Variants in MED12L observed in about 807,000 individuals in gnomAD.
MED12L encodes the protein mediator of RNA polymerase II transcription subunit 12-like protein.
Under a neutral mutation model 281.3 loss-of-function variants are expected in MED12L, and 60 were observed. The observed-to-expected ratio is 0.21, with a 90% CI of 0.17 to 0.26. The LOEUF is 0.26. Ranked by LOEUF, MED12L falls within the 10% of genes least tolerant of loss-of-function variation. The pLI, the probability that MED12L is intolerant of heterozygous loss-of-function variation, is 1.00. For missense variants in MED12L, 2,146 were observed against 2,680.9 expected (o/e 0.80, Z 4.41); for synonymous variants, 974 against 987.2 (o/e 0.99, Z 0.25).
intron 16 of MED12L, among the ~76,000 whole-genome samples, chr3:151,226,886 A>T (rs944220370): frequency 1.3e-5 from 2 of 152,232 alleles, no homozygotes; most frequent in Non-Finnish European, 2.9e-5. Flanking sequence ...TGGTGATTAC[A>T]ACAGGTAACG....
chr3:151,192,369 A>G (rs1724102434), intron 14 of MED12L, among the ~76,000 whole-genome samples, 181 bp from the exon 15 acceptor site: 1 of 152,164 alleles, frequency 6.6e-6, no homozygotes, highest in Non-Finnish European at 1.5e-5. Context: ...ATGATGAGGG[A>G]AAAGAATGTG....
chr3:151,109,150 C>T (rs181021815), intron 2 of MED12L, among the ~76,000 whole-genome samples: 580 of 152,022 alleles, frequency 3.8e-3, no homozygotes, highest in African/African-American at 8.5e-3. Flanking sequence ...CTCTGCCTCC[C>T]GGGTTCAAGT....
At chr3:151,346,076 T>G (rs1016895541) in intron 16 of MED12L, among the ~76,000 whole-genome samples, 8 of 152,204 alleles carry the variant, frequency 5.3e-5, no homozygotes, top group African/African-American at 1.9e-4. Context: ...CTCATGACTT[T>G]GTTCCTTGGC....
chr3:151,229,229 G>A (rs1253372481), intron 16 of MED12L, among the ~76,000 whole-genome samples: 1 of 151,250 alleles, frequency 6.6e-6, no homozygotes. Flanking sequence ...TCCCTGTTTT[G>A]TGTATTAATC....
At chr3:151,267,309 T>C (rs1430399557) in intron 16 of MED12L, among the ~76,000 whole-genome samples, 1 of 152,202 alleles carries the variant, frequency 6.6e-6, no homozygotes, top group Non-Finnish European at 1.5e-5. Flanking sequence ...AAGGAAATGG[T>C]AGTCATTGAA....
In MED12L at chr3:151,435,428, A is replaced by C. The variant is rs1720038130; in HGVS notation, c.*2624A>C. On this transcript the variant is annotated 3_prime_UTR_variant, in exon 45 of 45. Coordinates refer to ENST00000687756, the MANE Select transcript of MED12L (RefSeq NM_001393769.1). ...TCCAGCCACAGGGTACTAACATCAGACATAAGTTGCAACCAGGTCACATTT... is the reference window on the plus strand; with the variant it reads ...TCCAGCCACAGGGTACTAACATCAGCCATAAGTTGCAACCAGGTCACATTT... 1 of 152,290 alleles carries C rather than the reference A, an allele frequency of 6.6e-6. No individual in the cohort carries two copies. The highest frequency in any genetic ancestry group is 1.5e-5 in the Non-Finnish European group (1 of 68,020). 9.4% of individuals were successfully genotyped at this position (152,290 alleles called of 1,614,324 possible).
At chr3:151,289,477 G>C (rs182828001) in intron 16 of MED12L, among the ~76,000 whole-genome samples, 5 of 152,278 alleles carry the variant, frequency 3.3e-5, no homozygotes, top group Admixed American at 3.3e-4. Flanking sequence ...AAAATACGTA[G>C]AGGTAATTCA....
Position 151,190,786 on chromosome 3 carries a change from G to T in MED12L, c.1823G>T (p.Arg608Leu). 6.2e-7 allele frequency: 1 copy of T among 1,614,174 alleles called. No homozygotes were observed. Among genetic ancestry groups the T allele is most frequent in the South Asian group, 1.1e-5 (1 of 91,088 alleles). The change falls in exon 14 of 45, where the codon CGC becomes CTC. Residue 608 changes from arginine (R) to leucine (L), a missense_variant. By Grantham distance (102) the Arg-to-Leu change is moderately radical. Coordinates refer to ENST00000687756, the MANE Select transcript of MED12L (RefSeq NM_001393769.1). ...NLVLLFCEFIRHDVFSHDAYM... is the reference protein window; with the variant it reads ...NLVLLFCEFILHDVFSHDAYM... The stretch of plus-strand genomic sequence containing the variant: ...GTGCTGCTCTTCTGCGAGTTCATCC[G>T]CCATGATGTCTTCTCCCATGACGCA...
chr3:151,226,826 A>G (rs780171515), intron 16 of MED12L, among the ~76,000 whole-genome samples: 6 of 152,204 alleles, frequency 3.9e-5, no homozygotes, highest in Non-Finnish European at 5.9e-5. Context: ...TCAGTTTTCT[A>G]TCTCCTGCGT....
At chr3:151,294,937 T>G (rs759274186) in intron 16 of MED12L, 1 of 1,614,130 alleles carries the variant, frequency 6.2e-7, no homozygotes, top group Non-Finnish European at 8.5e-7. Flanking sequence ...AAGGTCCAAA[T>G]CCTGCATCAT....
chr3:151,281,503 C>T (rs904122935), intron 16 of MED12L, among the ~76,000 whole-genome samples: 3 of 152,110 alleles, frequency 2.0e-5, no homozygotes, highest in Non-Finnish European at 4.4e-5. Context: ...AGGCATAATA[C>T]AACATAGCCA....
In MED12L at chr3:151,365,118, A is replaced by G; in HGVS notation, c.3097A>G (p.Lys1033Glu). ...CAGCATCAACTACTCAATGCTGGGC[A>G]AGATCCTCAGTGACAATGCGGCCAA... ...ARSINYSMLG[K>E]ILSDNAANRY... The change falls in exon 22 of 45, where the codon AAG (lysine) becomes GAG (glutamate). Residue 1033 changes from lysine (K) to glutamate (E), a missense_variant. Physicochemically the swap from Lys to Glu is moderately conservative, Grantham distance 56. Coordinates refer to ENST00000687756, the MANE Select transcript of MED12L (RefSeq NM_001393769.1). The G allele has an allele frequency of 6.2e-7, 1 of 1,614,096 alleles. No homozygotes were observed. Among genetic ancestry groups the G allele is most frequent in the Non-Finnish European group, 8.5e-7 (1 of 1,179,968 alleles).
chr3:151,201,245 T>TCTCA (rs1491171776), intron 16 of MED12L, among the ~76,000 whole-genome samples: 13 of 150,524 alleles, frequency 8.6e-5, no homozygotes, highest in African/African-American at 3.0e-4. Flanking sequence ...TCTCTCTCTC[T>TCTCA]CACACGCACA....
chr3:151,205,756 T>G (rs1048440174), intron 16 of MED12L, among the ~76,000 whole-genome samples: 8 of 152,234 alleles, frequency 5.3e-5, no homozygotes, highest in Non-Finnish European at 1.0e-4. Flanking sequence ...CTCTTAGTTA[T>G]GCTTCTTACA....
intron 16 of MED12L, among the ~76,000 whole-genome samples, chr3:151,222,844 G>A (rs566587603): frequency 5.6e-4 from 85 of 152,186 alleles, no homozygotes; most frequent in Non-Finnish European, 8.5e-4. Context: ...GTTGTAGTCG[G>A]GACTTTAGAC....
intron 21 of MED12L, among the ~76,000 whole-genome samples, chr3:151,361,166 G>A (rs1188493026): frequency 6.6e-6 from 1 of 151,822 alleles, no homozygotes; most frequent in East Asian, 1.9e-4. Flanking sequence ...TTATTTCCTG[G>A]TGACTCATAG....
intron 39 of MED12L, 69 bp from the exon 40 acceptor site, chr3:151,409,174 T>TA (rs1716678872): frequency 8.2e-7 from 1 of 1,215,690 alleles, no homozygotes; most frequent in Non-Finnish European, 1.2e-6. Context: ...TTATTTGGAT[T>TA]ATTAACCAGA....
chr3:151,358,110 T>C (rs1344718117), intron 20 of MED12L, among the ~76,000 whole-genome samples: 1 of 152,216 alleles, frequency 6.6e-6, no homozygotes, highest in Non-Finnish European at 1.5e-5. Flanking sequence ...ATAGTACCTT[T>C]TATTTTTTTA....
chr3:151,382,458 A>G (rs1712551712), intron 32 of MED12L, among the ~76,000 whole-genome samples, 198 bp from the exon 33 acceptor site: 1 of 152,164 alleles, frequency 6.6e-6, no homozygotes, highest in Non-Finnish European at 1.5e-5. Context: ...TTCTTCCTCC[A>G]CCTAGAACGG....
Sources: allele counts gnomAD v4.1 joint callset (sites outside exome capture counted in the v4.1 genomes callset), GRCh38; gene constraint gnomAD v4.1.1; transcripts MANE v1.5; gene names NCBI Gene and HGNC (gene_info 2026-07-23, HGNC 2026-07-21).